Variants in TRIO observed in about 807,000 individuals in gnomAD.
TRIO encodes trio Rho guanine nucleotide exchange factor.
In TRIO, 58 loss-of-function variants were observed where a neutral mutation model predicts 351.9. The observed-to-expected ratio is 0.16, with a 90% CI of 0.13 to 0.21. The LOEUF (loss-of-function observed/expected upper bound fraction) is 0.21. Among genes scored for constraint, TRIO ranks in the 10% least tolerant of loss-of-function variants. The probability of loss-of-function intolerance (pLI) is 1.00; values close to 1 mark genes in which losing one functional copy is unlikely to be tolerated. For synonymous variants in TRIO, 1,758 were observed against 1,595.7 expected (o/e 1.10, Z -2.42); for missense variants, 3,201 against 4,027.8 (o/e 0.79, Z 5.56).
intron 1 of TRIO, among the ~76,000 whole-genome samples, chr5:14,150,825 T>C (rs1442041840): frequency 6.6e-6 from 1 of 152,228 alleles, no homozygotes; most frequent in African/African-American, 2.4e-5. Context: ...TAGCTTCTTA[T>C]AATTGCCCGG....
At chr5:14,389,149 TTA>T (rs1746826351) in intron 24 of TRIO, 138 bp from the exon 25 acceptor site, 1 of 604,966 alleles carries the variant, frequency 1.7e-6, no homozygotes, top group Admixed American at 3.8e-5. Context: ...GAAGGGTTTT[TTA>T]TGTTTTGTAA....
chr5:14,326,091 C>G (rs768128279), intron 9 of TRIO, among the ~76,000 whole-genome samples: 37 of 152,202 alleles, frequency 2.4e-4, no homozygotes, highest in Non-Finnish European at 4.6e-4. Flanking sequence ...AGTGCACACT[C>G]AGGCTTTCCC....
chr5:14,381,250 A>G lies in TRIO; in HGVS notation c.3568A>G (p.Lys1190Glu), dbSNP rs1746074393. ...GCACGAGGAGTTCCAGATAACTGCAAAGGTGGGTTCAGAGTGTACTTTGTA... is the reference window on the plus strand; with the variant it reads ...GCACGAGGAGTTCCAGATAACTGCAGAGGTGGGTTCAGAGTGTACTTTGTA... ...KEHEEFQITA[K>E]QTKERVKLLI... Residue 1190 changes from lysine (K) to glutamate (E), a missense_variant and splice_region_variant, in exon 21 of 57, where the codon AAG becomes GAG. Physicochemically the swap from Lys to Glu is moderately conservative, Grantham distance 56. Around this residue, in one of 19 missense-constraint regions of TRIO, gnomAD observed 201 missense variants for 266.5 expected, o/e 0.75. Transcript: ENST00000344204. The G allele has an allele frequency of 6.2e-7, 1 of 1,609,948 alleles. No individual in the cohort carries two copies. The highest frequency in any genetic ancestry group is 8.5e-7 in the Non-Finnish European group (1 of 1,178,732).
chr5:14,322,920 C>T (rs965789297), intron 9 of TRIO, among the ~76,000 whole-genome samples: 1 of 152,150 alleles, frequency 6.6e-6, no homozygotes, highest in South Asian at 2.1e-4. Context: ...GTAGAGGCCA[C>T]CTGCTGATCT....
At chr5:14,266,874 G>A (rs1188350898) in intron 1 of TRIO, among the ~76,000 whole-genome samples, 1 of 152,138 alleles carries the variant, frequency 6.6e-6, no homozygotes, top group Non-Finnish European at 1.5e-5. Context: ...AAGCATATTT[G>A]TTGCCTGCCT....
Position 14,497,981 on chromosome 5 carries a change from C to G in TRIO, c.8047+107C>G, listed in dbSNP as rs1210803265. On this transcript the variant is annotated intron_variant, in intron 51 of 56. Transcript: ENST00000344204. The surrounding 1 kb of genome is among the most constrained non-coding windows in gnomAD (Gnocchi z 4.4). ...CTGGAAATGAGTTTTCCGTGGCGCT[C>G]TAGGCGTGCATAGCAGGTTAGGTCC... 1.6e-5 allele frequency: 26 copies of G among 1,609,650 alleles called. No homozygotes were observed. The highest frequency in any genetic ancestry group is 2.1e-5 in the Non-Finnish European group (25 of 1,176,446).
chr5:14,310,334 A>G (rs1163499043), intron 8 of TRIO, among the ~76,000 whole-genome samples: 1 of 152,234 alleles, frequency 6.6e-6, no homozygotes, highest in African/African-American at 2.4e-5. Context: ...ACATCCACCA[A>G]AGGGCCACTG....
intron 34 of TRIO, among the ~76,000 whole-genome samples, chr5:14,441,569 T>C (rs997322541): frequency 6.6e-6 from 1 of 152,228 alleles, no homozygotes; most frequent in Admixed American, 6.5e-5. Context: ...GAGGAGCAAC[T>C]GGGAACAGAG....
rs769213131 is a variant in TRIO at position 14,461,321 on chromosome 5, TGCCCGCTGGTTGGGGCCGGCGTGGCGGG to T, written c.5496+20_5496+47del. 14 of 1,544,012 alleles carry T rather than the reference TGCCCGCTGGTTGGGGCCGGCGTGGCGGG, an allele frequency of 9.1e-6. No homozygotes were observed. The highest frequency in any genetic ancestry group is 1.2e-5 in the South Asian group (1 of 80,744). The stretch of plus-strand genomic sequence containing the variant: ...CGAGACGGTCGAGGAGGTGAGGCTC[TGCCCGCTGGTTGGGGCCGGCGTGGCGGG>T]GCCCGCTGGGCTTTTGCTGCAAGAA... On this transcript the variant is annotated intron_variant, in intron 35 of 56. Transcript: ENST00000344204.
chr5:14,282,163 G>C (rs2152278010), intron 3 of TRIO, among the ~76,000 whole-genome samples: 1 of 152,182 alleles, frequency 6.6e-6, no homozygotes, highest in East Asian at 1.9e-4. Flanking sequence ...TTCTTCTTCT[G>C]GTATTTCTTA....
At chr5:14,202,457 G>T (rs1791195934) in intron 1 of TRIO, among the ~76,000 whole-genome samples, 1 of 151,580 alleles carries the variant, frequency 6.6e-6, no homozygotes, top group Non-Finnish European at 1.5e-5. Context: ...AAGTTGAAGT[G>T]ATTTTGAATA....
intron 1 of TRIO, among the ~76,000 whole-genome samples, chr5:14,157,527 GTCTCCCTCTC>G (rs569652588): frequency 3.8e-5 from 4 of 106,212 alleles, no homozygotes; most frequent in African/African-American, 1.5e-4. Context: ...CTCTCTCCCT[GTCTCCCTCTC>G]TCTCCCTGTC....
intron 34 of TRIO, among the ~76,000 whole-genome samples, chr5:14,427,128 C>G (rs1750712511): frequency 6.6e-6 from 1 of 152,152 alleles, no homozygotes; most frequent in Admixed American, 6.5e-5. Flanking sequence ...GTGTTTCCAT[C>G]AACACCCAGA....
chr5:14,315,809 C>T (rs754143415), intron 8 of TRIO, among the ~76,000 whole-genome samples: 9 of 152,140 alleles, frequency 5.9e-5, no homozygotes, highest in Non-Finnish European at 1.2e-4. Context: ...GCACCCTCAC[C>T]TTTTCTTATT....
chr5:14,360,311 T>C (rs972818350), intron 13 of TRIO, among the ~76,000 whole-genome samples: 4 of 152,200 alleles, frequency 2.6e-5, no homozygotes, highest in Non-Finnish European at 5.9e-5. Context: ...AGGAGCTCTC[T>C]TTTTTGATAC....
chr5:14,333,683 G>A (rs571515720), intron 10 of TRIO, among the ~76,000 whole-genome samples: 33 of 152,242 alleles, frequency 2.2e-4, no homozygotes, highest in African/African-American at 7.2e-4. Context: ...TCTTTAGTGA[G>A]AAACAGCCCT....
intron 25 of TRIO, 89 bp from the exon 26 acceptor site, chr5:14,390,142 G>T: frequency 8.5e-7 from 1 of 1,182,824 alleles, no homozygotes. Context: ...ATTCTTTAGG[G>T]GGCACAGATT....
intron 37 of TRIO, among the ~76,000 whole-genome samples, chr5:14,466,846 A>G (rs535271422): frequency 6.6e-6 from 1 of 152,374 alleles, no homozygotes; most frequent in African/African-American, 2.4e-5. Flanking sequence ...TCACGTCAGT[A>G]CATACAGATT....
At chr5:14,186,470 G>C (rs1051052842) in intron 1 of TRIO, among the ~76,000 whole-genome samples, 1 of 152,198 alleles carries the variant, frequency 6.6e-6, no homozygotes, top group Non-Finnish European at 1.5e-5. Context: ...TTGAGTTGCT[G>C]TGGTGGGTGG....
Sources: allele counts gnomAD v4.1 joint callset (sites outside exome capture counted in the v4.1 genomes callset), GRCh38; gene constraint gnomAD v4.1.1; regional missense constraint gnomAD v4.1.1; non-coding constraint Gnocchi (gnomAD v3.1); transcripts MANE v1.5; gene names NCBI Gene and HGNC (gene_info 2026-07-23, HGNC 2026-07-21).